PPA1: variants seen among roughly 807,000 people sequenced by gnomAD.
PPA1 encodes inorganic pyrophosphatase 1.
Under a neutral mutation model 41.8 loss-of-function variants are expected in PPA1, and 23 were observed. The observed-to-expected ratio is 0.55, with a 90% CI of 0.40 to 0.78. The LOEUF (loss-of-function observed/expected upper bound fraction) is 0.78, where lower values mean the gene tolerates loss of function less well. PPA1 is among the 30% of genes least tolerant of loss of function. The probability of loss-of-function intolerance (pLI) is 0.00; values close to 1 mark genes in which losing one functional copy is unlikely to be tolerated. For missense variants in PPA1, 320 were observed against 361.6 expected (o/e 0.89, Z 0.93); for synonymous variants, 101 against 116.8 (o/e 0.86, Z 0.87).
intron 6 of PPA1, among the ~76,000 whole-genome samples, chr10:70,213,178 A>C (rs1840041329): frequency 6.6e-6 from 1 of 152,212 alleles, no homozygotes; most frequent in African/African-American, 2.4e-5. Context: ...ATCTCAATTA[A>C]ATGTTTTAAA....
intron 2 of PPA1, 150 bp from the exon 3 acceptor site, chr10:70,218,967 T>C: frequency 1.5e-6 from 1 of 645,776 alleles, no homozygotes; most frequent in East Asian, 2.7e-5. Flanking sequence ...AAAAAGAGAA[T>C]GATGGATGAA....
At chr10:70,216,365 T>C (rs1422439724) in intron 4 of PPA1, among the ~76,000 whole-genome samples, 1 of 151,684 alleles carries the variant, frequency 6.6e-6, no homozygotes, top group Non-Finnish European at 1.5e-5. Context: ...TAGGCGCCTG[T>C]AATCCCAGCT....
At chr10:70,224,180 G>A (rs1344843989) in intron 2 of PPA1, among the ~76,000 whole-genome samples, 1 of 19,456 alleles carries the variant, frequency 5.1e-5, no homozygotes, top group African/African-American at 2.0e-4. Flanking sequence ...GGAGGCTGAG[G>A]CAAGAGGATT....
In PPA1 at chr10:70,220,717, T is replaced by TTA. The variant is rs1276651467; in HGVS notation, c.124-1902_124-1901dup. On this transcript the variant is annotated intron_variant, in intron 2 of 10. Transcript: ENST00000373232. ...TTTATATATATATAATATATATAAT[T>TTA]TATATATATAATATATATAATTTAT... Among the ~76,000 whole-genome samples, 2 of 7,162 alleles carry TTA rather than the reference T, an allele frequency of 2.8e-4. 1 individual carries two copies. The highest frequency in any genetic ancestry group is 4.3e-4 in the Non-Finnish European group (2 of 4,686). The allele number at this position is 7,162 out of a possible 152,430, so 4.7% of individuals were successfully genotyped here. A position where few individuals can be genotyped will look rare whatever the true frequency, so the allele number is the denominator to read the frequency against.
At chr10:70,227,228 T>C (rs1840238858) in intron 2 of PPA1, among the ~76,000 whole-genome samples, 1 of 152,240 alleles carries the variant, frequency 6.6e-6, no homozygotes, top group Non-Finnish European at 1.5e-5. Context: ...AGTGAGCCCT[T>C]GCCTTTACCT....
Position 70,217,825 on chromosome 10 carries a change from C to A in PPA1, c.284G>T (p.Gly95Val). 1.3e-6 allele frequency: 2 copies of A among 1,576,772 alleles called. No individual in the cohort carries two copies. The highest frequency in any genetic ancestry group is 1.8e-5 in the Admixed American group (1 of 55,438). The change falls in exon 4 of 11, where the codon GGT (glycine) becomes GTT (valine). Residue 95 changes from glycine to valine, a missense_variant. Transcript: ENST00000373232. ...FPYKGYIWNY[G>V]AIPQTWEDPG... Reference sequence around the variant, plus strand: ...ATGAAGACATACCTGAGGGATGGCACCATAGTTCCAGATATATCCTTTATA... The same window carrying A: ...ATGAAGACATACCTGAGGGATGGCAACATAGTTCCAGATATATCCTTTATA...
intron 2 of PPA1, among the ~76,000 whole-genome samples, chr10:70,224,837 TCTC>T: frequency 6.7e-6 from 1 of 149,854 alleles, no homozygotes; most frequent in East Asian, 2.0e-4. Context: ...TTCAAGCAAT[TCTC>T]CTGCCTCAGC....
intron 6 of PPA1, chr10:70,210,126 C>G: frequency 6.8e-6 from 2 of 295,914 alleles, no homozygotes; most frequent in Admixed American, 5.2e-5. Context: ...CTGTCACCCA[C>G]GCTGGAATGC....
At chr10:70,218,654 C>A in intron 3 of PPA1, 110 bp downstream of exon 3, 2 of 832,338 alleles carry the variant, frequency 2.4e-6, no homozygotes, top group East Asian at 2.7e-5. Flanking sequence ...TAGACTGGGA[C>A]CAGACAGAGA....
chr10:70,206,976 T>C (rs984038646), intron 8 of PPA1, among the ~76,000 whole-genome samples: 4 of 150,728 alleles, frequency 2.7e-5, no homozygotes, highest in Non-Finnish European at 5.9e-5. Flanking sequence ...TTGAGAAACA[T>C]ATCTTTCTTA....
At chr10:70,219,043 G>T (rs1031761824) in intron 2 of PPA1, among the ~76,000 whole-genome samples, 3 of 151,948 alleles carry the variant, frequency 2.0e-5, no homozygotes, top group Non-Finnish European at 4.4e-5. Context: ...GATTGCTTAC[G>T]GTATAGTTCT....
intron 2 of PPA1, among the ~76,000 whole-genome samples, chr10:70,227,105 T>C (rs763545196): frequency 6.6e-6 from 1 of 152,222 alleles, no homozygotes; most frequent in Non-Finnish European, 1.5e-5. Context: ...TTTGGAAAAT[T>C]TCTGGTATCT....
At chr10:70,208,121 C>T (rs946824285) in intron 8 of PPA1, among the ~76,000 whole-genome samples, 14 of 152,030 alleles carry the variant, frequency 9.2e-5, no homozygotes, top group Middle Eastern at 3.2e-3. Context: ...ATCCGGGAAG[C>T]GGAGGTTGCA....
intron 6 of PPA1, among the ~76,000 whole-genome samples, chr10:70,211,682 G>C (rs185562921): frequency 2.0e-4 from 30 of 152,178 alleles, no homozygotes; most frequent in Non-Finnish European, 2.9e-4. Flanking sequence ...AAGTTTTCAG[G>C]GTTCTAATAA....
Position 70,204,928 on chromosome 10 carries a change from A to T in PPA1, c.796-13T>A. ...AGGGTGGTGGTAACTAAAATATAAA[A>T]TATTAAAATCTATTAGTCTAATCTC... On this transcript the variant is annotated splice_polypyrimidine_tract_variant and intron_variant, in intron 9 of 10. Transcript: ENST00000373232. 6.4e-7 allele frequency: 1 copy of T among 1,572,938 alleles called. No homozygotes were observed. The highest frequency in any genetic ancestry group is 8.7e-7 in the Non-Finnish European group (1 of 1,150,984).
At chr10:70,221,665 T>A (rs1840170998) in intron 2 of PPA1, among the ~76,000 whole-genome samples, 1 of 152,110 alleles carries the variant, frequency 6.6e-6, no homozygotes, top group South Asian at 2.1e-4. Context: ...AAAGAACAAG[T>A]CAGGGCTTTC....
At chr10:70,206,402 A>T in intron 8 of PPA1, 69 bp from the exon 9 acceptor site, 1 of 1,188,232 alleles carries the variant, frequency 8.4e-7, no homozygotes, top group Non-Finnish European at 1.2e-6. Flanking sequence ...TTAAAAAATG[A>T]GTTGAAAGTG....
chr10:70,221,027 AATATATATATAAAT>A (rs1840154048), intron 2 of PPA1, among the ~76,000 whole-genome samples: 3 of 59,776 alleles, frequency 5.0e-5, no homozygotes, highest in Non-Finnish European at 8.4e-5. Context: ...TTATATATAT[AATATATATATAAAT>A]TATATATATA....
chr10:70,214,310 TC>T, intron 5 of PPA1, among the ~76,000 whole-genome samples, 189 bp downstream of exon 5: 1 of 152,234 alleles, frequency 6.6e-6, no homozygotes. Context: ...CACATTTTTT[TC>T]CAGACTAGAT....
Sources: allele counts gnomAD v4.1 joint callset (sites outside exome capture counted in the v4.1 genomes callset), GRCh38; gene constraint gnomAD v4.1.1; transcripts MANE v1.5; gene names NCBI Gene and HGNC (gene_info 2026-07-23, HGNC 2026-07-21).